Variants in KLHL32 observed in about 807,000 individuals in gnomAD.
KLHL32 encodes the protein kelch like family member 32.
A neutral mutation model predicts 64.8 loss-of-function variants in KLHL32; 35 were observed. The observed-to-expected ratio is 0.54, with a 90% confidence interval of 0.41 to 0.72. The LOEUF is 0.72. Among genes scored for constraint, KLHL32 ranks in the 30% least tolerant of loss-of-function variants. KLHL32 has a pLI of 0.00. For missense variants in KLHL32, 589 were observed against 768.5 expected, an observed-to-expected ratio of 0.77 and a Z score of 2.76; for synonymous variants, 259 against 281.0, an observed-to-expected ratio of 0.92 and a Z score of 0.78.
chr6:97,035,363 TACAC>T (rs1320210160), intron 3 of KLHL32, among the ~76,000 whole-genome samples: 1 of 152,138 alleles, frequency 6.6e-6, no homozygotes, highest in Non-Finnish European at 1.5e-5. Flanking sequence ...AAAAGTAACT[TACAC>T]ACCACCATTA....
chr6:97,121,132 A>G (rs1798322186), intron 7 of KLHL32, among the ~76,000 whole-genome samples: 1 of 152,160 alleles, frequency 6.6e-6, no homozygotes, highest in African/African-American at 2.4e-5. Context: ...CCCTCACATC[A>G]CTGCCCAGGA....
chr6:96,905,024 G>T, the KLHL32 span, among the ~76,000 whole-genome samples: 3 of 152,254 alleles, frequency 2.0e-5, no homozygotes, highest in East Asian at 3.9e-4. Flanking sequence ...ATGTCCTCAT[G>T]AACTTGCTTT....
intron 5 of KLHL32, among the ~76,000 whole-genome samples, chr6:97,083,971 AAGG>A (rs148353017): frequency 0.026 from 4,002 of 152,258 alleles, 164 homozygotes; most frequent in African/African-American, 0.092. Context: ...TCTGCCCCAA[AAGG>A]AGGAGTGTGT....
intron 5 of KLHL32, among the ~76,000 whole-genome samples, chr6:97,069,290 G>A (rs553641794): frequency 6.6e-6 from 1 of 152,150 alleles, no homozygotes; most frequent in African/African-American, 2.4e-5. Flanking sequence ...TTTACACTAA[G>A]TGGGCTACAG....
chr6:97,042,211 TAAC>T (rs1334439626), intron 4 of KLHL32, among the ~76,000 whole-genome samples: 1 of 152,250 alleles, frequency 6.6e-6, no homozygotes, highest in African/African-American at 2.4e-5. Flanking sequence ...TGTTGTTCTT[TAAC>T]AACATTTCAT....
At position 97,073,556 on chromosome 6, in the gene KLHL32, T is replaced by A. The variant is rs898041440; in HGVS notation, c.411+8830T>A. On this transcript the variant is annotated intron_variant, in intron 5 of 10. Transcript: ENST00000369261. Reference sequence around the variant, plus strand: ...TGGTATACAGAATCCAAGAAACAATTGGAAAAGTCTTTCATCTCTAGTTCT... The same window carrying A: ...TGGTATACAGAATCCAAGAAACAATAGGAAAAGTCTTTCATCTCTAGTTCT... Among the ~76,000 whole-genome samples, 3 of 152,142 alleles carry A rather than the reference T, an allele frequency of 2.0e-5. No individual in the cohort carries two copies. In the South Asian group the frequency reaches 6.2e-4, roughly 32 times the overall value.
At chr6:97,028,192 A>G (rs1221174124) in intron 3 of KLHL32, among the ~76,000 whole-genome samples, 1 of 152,020 alleles carries the variant, frequency 6.6e-6, no homozygotes, top group African/African-American at 2.4e-5. Context: ...TTTCCCATCT[A>G]GTAAGTGTCG....
At chr6:97,059,419 A>G (rs1788516739) in intron 4 of KLHL32, among the ~76,000 whole-genome samples, 1 of 152,350 alleles carries the variant, frequency 6.6e-6, no homozygotes, top group Non-Finnish European at 1.5e-5. Flanking sequence ...TCTCTGATTC[A>G]TAGAGAACTA....
At chr6:96,914,027 C>T in the KLHL32 span, among the ~76,000 whole-genome samples, 1 of 151,952 alleles carries the variant, frequency 6.6e-6, no homozygotes, top group African/African-American at 2.4e-5. Flanking sequence ...AAGAGAGAGG[C>T]GAAAAGGGAG....
the KLHL32 span, among the ~76,000 whole-genome samples, chr6:96,919,463 A>T: frequency 3.3e-5 from 5 of 152,176 alleles, no homozygotes; most frequent in African/African-American, 1.2e-4. Flanking sequence ...TGAAATATGT[A>T]TTCATATGTG....
In KLHL32 at chr6:96,983,453, TG is replaced by T. The variant is rs1776592494; in HGVS notation, c.204+7278del. ...TTGATTGGAATAGTTTTAGAAGGAA[TG>T]GTACCAGCTCCTCCATATACCTCTG... On this transcript the variant is annotated intron_variant, in intron 3 of 10. Coordinates refer to ENST00000369261, the MANE Select transcript of KLHL32 (RefSeq NM_052904.4). 2.6e-5 allele frequency among the ~76,000 whole-genome samples: 4 copies of T among 152,302 alleles called. No individual in the cohort carries two copies. The South Asian group carries it at 8.3e-4, about 31-fold the overall frequency.
intron 5 of KLHL32, among the ~76,000 whole-genome samples, chr6:97,075,665 C>A (rs1367656625): frequency 6.6e-6 from 1 of 152,172 alleles, no homozygotes; most frequent in African/African-American, 2.4e-5. Context: ...TCCACACCAG[C>A]CCCCTTTATG....
At chr6:97,019,223 G>T (rs1372350368) in intron 3 of KLHL32, among the ~76,000 whole-genome samples, 3 of 152,194 alleles carry the variant, frequency 2.0e-5, no homozygotes, top group Admixed American at 2.0e-4. Flanking sequence ...TCTTAATATG[G>T]ACTTGAAGAA....
intron 5 of KLHL32, 27 bp downstream of exon 5, chr6:97,064,753 C>A (rs768781893): frequency 1.3e-6 from 2 of 1,533,416 alleles, no homozygotes; most frequent in Non-Finnish European, 1.8e-6. Flanking sequence ...CCTGCTCATA[C>A]ACCCTTCACA....
the KLHL32 span, among the ~76,000 whole-genome samples, chr6:96,917,399 A>C: frequency 6.6e-6 from 1 of 152,186 alleles, no homozygotes; most frequent in African/African-American, 2.4e-5. Context: ...GATTCTCTTT[A>C]TTCAGCTTGA....
intron 6 of KLHL32, among the ~76,000 whole-genome samples, chr6:97,087,175 C>T (rs909579866): frequency 6.6e-6 from 1 of 152,174 alleles, no homozygotes; most frequent in Non-Finnish European, 1.5e-5. Context: ...TAAATATTAT[C>T]AATTTAGGCA....
chr6:96,924,273 T>C (rs1019039768), upstream of KLHL32, among the ~76,000 whole-genome samples: 4 of 152,102 alleles, frequency 2.6e-5, no homozygotes, highest in Non-Finnish European at 5.9e-5. Context: ...TTTGCTCAGA[T>C]TGCCCGCCAG....
chr6:97,004,525 T>G (rs1215285828), intron 3 of KLHL32, among the ~76,000 whole-genome samples: 1 of 151,944 alleles, frequency 6.6e-6, no homozygotes, highest in African/African-American at 2.4e-5. Flanking sequence ...TGAATAGGAG[T>G]GGTGAGAGTG....
chr6:97,125,713 T>C (rs1338060402), intron 7 of KLHL32, among the ~76,000 whole-genome samples: 1 of 152,142 alleles, frequency 6.6e-6, no homozygotes, highest in Admixed American at 6.5e-5. Context: ...GAGACTGAGG[T>C]TGCAGTGAGC....
Sources: allele counts gnomAD v4.1 joint callset (sites outside exome capture counted in the v4.1 genomes callset), GRCh38; gene constraint gnomAD v4.1.1; transcripts MANE v1.5; gene names NCBI Gene and HGNC (gene_info 2026-07-23, HGNC 2026-07-21).